Variants in MGAT4C observed in about 807,000 individuals in gnomAD.
The protein encoded by MGAT4C is alpha-1,3-mannosyl-glycoprotein 4-beta-N-acetylglucosaminyltransferase C.
MGAT4C carries 19 observed loss-of-function variants against 40.1 expected under a neutral mutation model. The ratio of observed to expected loss-of-function variants is 0.47; its 90% CI spans 0.33 to 0.70. MGAT4C has a LOEUF of 0.70. Among genes scored for constraint, MGAT4C ranks in the 30% least tolerant of loss-of-function variants. The probability of loss-of-function intolerance (pLI) is 0.02; values close to 1 mark genes in which losing one functional copy is unlikely to be tolerated. For synonymous variants in MGAT4C, 181 were observed against 187.1 expected (o/e 0.97, Z 0.27); for missense variants, 491 against 563.2 (o/e 0.87, Z 1.30).
intron 2 of MGAT4C, among the ~76,000 whole-genome samples, chr12:86,537,624 T>C (rs1246437658): frequency 6.6e-6 from 1 of 152,178 alleles, no homozygotes; most frequent in Non-Finnish European, 1.5e-5. Context: ...ATTTCTCCTG[T>C]CCAGAACAAT....
intron 1 of MGAT4C, among the ~76,000 whole-genome samples, chr12:86,179,707 C>T (rs1468832387): frequency 6.6e-6 from 1 of 152,084 alleles, no homozygotes; most frequent in Non-Finnish European, 1.5e-5. Flanking sequence ...TTGAACTTGA[C>T]AGGGATGATT....
chr12:86,599,632 T>TG (rs1961689177), intron 2 of MGAT4C: 1 of 152,044 alleles, frequency 6.6e-6, no homozygotes, highest in South Asian at 2.1e-4. Flanking sequence ...CACAGCAGGG[T>TG]GGTGGGGTGA....
intron 4 of MGAT4C, among the ~76,000 whole-genome samples, chr12:86,288,206 T>A (rs1184790490): frequency 5.3e-5 from 8 of 152,354 alleles, no homozygotes; most frequent in Middle Eastern, 6.8e-3. Flanking sequence ...TGTTTTTTTC[T>A]TGTAAATTTG....
chr12:86,263,862 A>G (rs1479751314), intron 4 of MGAT4C, among the ~76,000 whole-genome samples: 3 of 152,114 alleles, frequency 2.0e-5, no homozygotes, highest in Non-Finnish European at 4.4e-5. Context: ...TCTAATAGCC[A>G]TTTTGACAGG....
intron 2 of MGAT4C, among the ~76,000 whole-genome samples, chr12:86,468,060 C>T (rs1199215368): frequency 6.6e-6 from 1 of 152,052 alleles, no homozygotes; most frequent in Non-Finnish European, 1.5e-5. Flanking sequence ...AGTAGCATGT[C>T]TCAAATGAAT....
chr12:86,704,126 T>C (rs999076066), intron 2 of MGAT4C, among the ~76,000 whole-genome samples: 1 of 152,128 alleles, frequency 6.6e-6, no homozygotes, highest in Non-Finnish European at 1.5e-5. Flanking sequence ...TATTCAACAC[T>C]CTAAATACTC....
chr12:86,014,978 CTTTTT>C (rs113674418), intron 2 of MGAT4C, among the ~76,000 whole-genome samples: 1 of 134,576 alleles, frequency 7.4e-6, no homozygotes, highest in African/African-American at 2.8e-5. Flanking sequence ...TTCTTTCTTT[CTTTTT>C]TTTTTTTTTT....
At chr12:86,689,962 T>G (rs1451131873) in intron 2 of MGAT4C, among the ~76,000 whole-genome samples, 1 of 152,200 alleles carries the variant, frequency 6.6e-6, no homozygotes, top group Non-Finnish European at 1.5e-5. Flanking sequence ...GGGAGTTTTA[T>G]CTACAAGCCC....
intron 1 of MGAT4C, among the ~76,000 whole-genome samples, chr12:86,799,083 C>G (rs1483663563): frequency 7.3e-5 from 11 of 151,626 alleles, no homozygotes; most frequent in Non-Finnish European, 1.5e-4. Context: ...ATTCAGCATA[C>G]AAAAATCAAT....
chr12:86,740,081 G>T (rs1016336484), intron 1 of MGAT4C, among the ~76,000 whole-genome samples: 14 of 151,010 alleles, frequency 9.3e-5, no homozygotes, highest in South Asian at 2.1e-4. Context: ...AAAGATACTT[G>T]AAGCAAAATG....
intron 1 of MGAT4C, among the ~76,000 whole-genome samples, chr12:86,066,293 T>C (rs1277937525): frequency 1.3e-5 from 2 of 152,178 alleles, no homozygotes; most frequent in African/African-American, 4.8e-5. Context: ...TGCATCATGC[T>C]ACCTGACTTC....
chr12:86,591,438 T>G (rs1225830304), intron 2 of MGAT4C, among the ~76,000 whole-genome samples: 1 of 151,992 alleles, frequency 6.6e-6, no homozygotes, highest in East Asian at 1.9e-4. Flanking sequence ...TTGAATAAAA[T>G]ACATTTTAGT....
chr12:86,806,499 G>A (rs1311294026), intron 1 of MGAT4C, among the ~76,000 whole-genome samples: 1 of 151,548 alleles, frequency 6.6e-6, no homozygotes, highest in African/African-American at 2.4e-5. Flanking sequence ...ACTTTACCAC[G>A]TGTGTAAGTT....
chr12:86,287,490 T>C (rs560813953), intron 4 of MGAT4C, among the ~76,000 whole-genome samples: 1 of 152,304 alleles, frequency 6.6e-6, no homozygotes, highest in Non-Finnish European at 1.5e-5. Context: ...TTTCTCCTAA[T>C]GCTATCCCTC....
intron 3 of MGAT4C, among the ~76,000 whole-genome samples, chr12:86,408,886 A>G (rs1263179600): frequency 6.6e-6 from 1 of 152,032 alleles, no homozygotes; most frequent in African/African-American, 2.4e-5. Flanking sequence ...CCTATTATTT[A>G]AGTTTTAGAA....
intron 2 of MGAT4C, among the ~76,000 whole-genome samples, chr12:86,631,417 A>T (rs1344934701): frequency 6.6e-6 from 1 of 152,088 alleles, no homozygotes; most frequent in Non-Finnish European, 1.5e-5. Context: ...TGAAGTTCAT[A>T]TGGAACCAAA....
chr12:86,618,127 G>C (rs1269860518), intron 2 of MGAT4C, among the ~76,000 whole-genome samples: 1 of 152,184 alleles, frequency 6.6e-6, no homozygotes, highest in East Asian at 1.9e-4. Context: ...ACCACAATGA[G>C]ATATCATCTT....
chr12:86,626,474 C>T (rs977896620), intron 2 of MGAT4C, among the ~76,000 whole-genome samples: 1 of 152,064 alleles, frequency 6.6e-6, no homozygotes, highest in East Asian at 1.9e-4. Flanking sequence ...ACAACTTATG[C>T]TGTTGTAGTT....
intron 2 of MGAT4C, among the ~76,000 whole-genome samples, chr12:86,580,243 C>T (rs1960726595): frequency 6.6e-6 from 1 of 151,492 alleles, no homozygotes; most frequent in Non-Finnish European, 1.5e-5. Context: ...ACCTACACCT[C>T]TCCCTATCAT....
Sources: allele counts gnomAD v4.1 joint callset (sites outside exome capture counted in the v4.1 genomes callset), GRCh38; gene constraint gnomAD v4.1.1; transcripts MANE v1.5; gene names NCBI Gene and HGNC (gene_info 2026-07-23, HGNC 2026-07-21).